RHOH: variants seen among roughly 807,000 people sequenced by gnomAD.
RHOH encodes rho-related GTP-binding protein RhoH.
RHOH carries 6 observed loss-of-function variants against 13.8 expected under a neutral mutation model. That is an observed-to-expected ratio of 0.44 (90% CI 0.24 to 0.86). The LOEUF is 0.86. Among genes scored for constraint, RHOH ranks in the 40% least tolerant of loss-of-function variants. The probability of loss-of-function intolerance (pLI) is 0.24; values close to 1 mark genes in which losing one functional copy is unlikely to be tolerated. For missense variants in RHOH, 147 were observed against 244.5 expected, an observed-to-expected ratio of 0.60 and a Z score of 2.66; for synonymous variants, 117 against 103.0, an observed-to-expected ratio of 1.14 and a Z score of -0.82.
chr4:40,204,700 A>G (rs1052935340), intron 1 of RHOH, among the ~76,000 whole-genome samples: 15 of 152,344 alleles, frequency 9.8e-5, no homozygotes, highest in African/African-American at 3.4e-4. Flanking sequence ...TAAGCCCCTA[A>G]AGACAGAAAT....
Position 40,244,458 on chromosome 4 carries a change from T to G in RHOH, c.*496T>G, listed in dbSNP as rs1186521313. 1 of 217,714 alleles carries G rather than the reference T, an allele frequency of 4.6e-6. No homozygotes were observed. Among genetic ancestry groups the G allele is most frequent in the Non-Finnish European group, 1.0e-5 (1 of 98,958 alleles). 13.5% of individuals were successfully genotyped at this position (217,714 alleles called of 1,614,324 possible). On this transcript the variant is annotated 3_prime_UTR_variant, in exon 3 of 3. Coordinates refer to ENST00000381799, the MANE Select transcript of RHOH (RefSeq NM_004310.5). ...ATTTTCACCTCAAGTAGAAAGTCTGTTGAAACCACTTGGCTGCTGGATTTA... is the reference window on the plus strand; with the variant it reads ...ATTTTCACCTCAAGTAGAAAGTCTGGTGAAACCACTTGGCTGCTGGATTTA...
intron 1 of RHOH, among the ~76,000 whole-genome samples, chr4:40,209,846 T>C (rs556560335): frequency 2.6e-4 from 39 of 152,350 alleles, no homozygotes; most frequent in African/African-American, 8.9e-4. Flanking sequence ...AGGTAAATCA[T>C]AAATATATTC....
At chr4:40,225,157 A>C (rs992321661) in intron 1 of RHOH, among the ~76,000 whole-genome samples, 3 of 152,172 alleles carry the variant, frequency 2.0e-5, no homozygotes, top group Admixed American at 6.5e-5. Flanking sequence ...TTTGTCACCT[A>C]GGCTGGAGTG....
At chr4:40,216,741 C>G (rs543501445) in intron 1 of RHOH, among the ~76,000 whole-genome samples, 1 of 152,282 alleles carries the variant, frequency 6.6e-6, no homozygotes, top group African/African-American at 2.4e-5. Flanking sequence ...ATGATTTCAT[C>G]TATTTAATTG....
chr4:40,243,765 A>G lies in RHOH; in HGVS notation c.379A>G (p.Arg127Gly), dbSNP rs200048106. The G allele has an allele frequency of 8.1e-6, 13 of 1,614,066 alleles. No individual in the cohort carries two copies. The South Asian group carries it at 1.3e-4, about 16-fold the overall frequency. The change falls in exon 3 of 3, where the codon AGG becomes GGG. Residue 127 changes from arginine (R) to glycine (G), a missense_variant. This residue lies in a region of RHOH where 36 missense variants were observed against 30.7 expected (regional missense o/e 1.17). Coordinates refer to ENST00000381799, the MANE Select transcript of RHOH (RefSeq NM_004310.5). The surrounding 1 kb of genome is among the most constrained non-coding windows in gnomAD (Gnocchi z 6.2). ...QTDQREMGPH[R>G]ASCVNAMEGK... ...TGACCAGCGGGAGATGGGGCCCCACAGGGCCTCCTGCGTCAATGCCATGGA... is the reference window on the plus strand; with the variant it reads ...TGACCAGCGGGAGATGGGGCCCCACGGGGCCTCCTGCGTCAATGCCATGGA...
At chr4:40,240,879 A>G (rs1729158152) in intron 1 of RHOH, among the ~76,000 whole-genome samples, 1 of 147,678 alleles carries the variant, frequency 6.8e-6, no homozygotes, top group Non-Finnish European at 1.5e-5. Context: ...ACTTAAGGCC[A>G]GGTGCAGTAG....
At chr4:40,227,263 GAAAT>G (rs1278416468) in intron 1 of RHOH, among the ~76,000 whole-genome samples, 1 of 152,216 alleles carries the variant, frequency 6.6e-6, no homozygotes, top group Non-Finnish European at 1.5e-5. Flanking sequence ...AAAAGGCAAA[GAAAT>G]AAAGGTTGCT....
At chr4:40,216,047 G>A (rs768003294) in intron 1 of RHOH, among the ~76,000 whole-genome samples, 4 of 151,558 alleles carry the variant, frequency 2.6e-5, no homozygotes, top group South Asian at 2.1e-4. Context: ...CTCGTTTTCC[G>A]CTTTTTCATC....
chr4:40,219,981 G>T lies in RHOH; in HGVS notation c.-331+22681G>T, dbSNP rs1726349652. On this transcript the variant is annotated intron_variant, in intron 1 of 2. Coordinates refer to ENST00000381799, the MANE Select transcript of RHOH (RefSeq NM_004310.5). ...GCTTCAGAAAAATGCATGAGAAACT[G>T]CATTGGCTAGGTAAAGCAGGGACAG... Among the ~76,000 whole-genome samples, 2 of 152,218 alleles carry T rather than the reference G, an allele frequency of 1.3e-5. 1 individual carries two copies. The highest frequency in any genetic ancestry group is 4.1e-4 in the South Asian group (2 of 4,836).
intron 1 of RHOH, among the ~76,000 whole-genome samples, chr4:40,236,096 A>G (rs965062257): frequency 1.3e-5 from 2 of 152,216 alleles, no homozygotes; most frequent in Non-Finnish European, 2.9e-5. Flanking sequence ...GATGGGAATT[A>G]CAGTGTGTGT....
At chr4:40,195,396 T>TCCTTCCTC (rs1723029648), upstream of RHOH, among the ~76,000 whole-genome samples, 1 of 144,530 alleles carries the variant, frequency 6.9e-6, no homozygotes, top group Non-Finnish European at 1.5e-5. Context: ...CTTCCTTCCT[T>TCCTTCCTC]CCTTCCTTCC....
At chr4:40,195,411 TTCCTTCCC>T (rs1723040417), upstream of RHOH, among the ~76,000 whole-genome samples, 2 of 122,996 alleles carry the variant, frequency 1.6e-5, no homozygotes, top group East Asian at 4.8e-4. Context: ...CCTTCCTTCC[TTCCTTCCC>T]TCCCCTTCTC....
chr4:40,215,114 C>T (rs563712346), intron 1 of RHOH, among the ~76,000 whole-genome samples: 1 of 152,120 alleles, frequency 6.6e-6, no homozygotes, highest in Non-Finnish European at 1.5e-5. Flanking sequence ...AAAAACTACC[C>T]GGTAAGGCTG....
chr4:40,216,298 G>A (rs539737971), intron 1 of RHOH, among the ~76,000 whole-genome samples: 2 of 151,800 alleles, frequency 1.3e-5, no homozygotes, highest in South Asian at 2.1e-4. Context: ...GTGAAACCCC[G>A]TCTCGATTAA....
chr4:40,243,386 G>C lies in RHOH; in HGVS notation c.-1G>C. Reference sequence around the variant, plus strand: ...TCAGAGTAGGACAGCAGGCTGGGAAGATGCTGAGTTCCATCAAGTGCGTGT... The same window carrying C: ...TCAGAGTAGGACAGCAGGCTGGGAACATGCTGAGTTCCATCAAGTGCGTGT... On this transcript the variant is annotated 5_prime_UTR_variant, in exon 3 of 3. Coordinates refer to ENST00000381799, the MANE Select transcript of RHOH (RefSeq NM_004310.5). The surrounding 1 kb of genome is among the most constrained non-coding windows in gnomAD (Gnocchi z 6.2). 1 of 1,576,406 alleles carries C rather than the reference G, an allele frequency of 6.3e-7. No individual in the cohort carries two copies. Among genetic ancestry groups the C allele is most frequent in the Non-Finnish European group, 8.6e-7 (1 of 1,159,156 alleles).
chr4:40,198,280 C>T lies in RHOH; in HGVS notation c.-331+980C>T, dbSNP rs888207355. On this transcript the variant is annotated intron_variant, in intron 1 of 2. Transcript: ENST00000381799. Reference sequence around the variant, plus strand: ...GGCAGGTGATTTCAGACTGGGAGGACCTTGTGGGCAAAGGCACAAAGGCGA... The same window carrying T: ...GGCAGGTGATTTCAGACTGGGAGGATCTTGTGGGCAAAGGCACAAAGGCGA... Among the ~76,000 whole-genome samples, 12 of 152,226 alleles carry T rather than the reference C, an allele frequency of 7.9e-5. 1 individual carries two copies. Among genetic ancestry groups the T allele is most frequent in the Admixed American group, 3.9e-4 (6 of 15,284 alleles).
chr4:40,243,229 G>C lies in RHOH; in HGVS notation c.-158G>C. 1 of 578,968 alleles carries C rather than the reference G, an allele frequency of 1.7e-6. No homozygotes were observed. The highest frequency in any genetic ancestry group is 3.1e-6 in the Non-Finnish European group (1 of 327,314). 35.9% of individuals were successfully genotyped at this position (578,968 alleles called of 1,614,324 possible). A position where few individuals can be genotyped will look rare whatever the true frequency, so the allele number is the denominator to read the frequency against. ...AAAGCAGACGGTGCTTGGATGGGCA[G>C]GGAGAAGTAACATTCTGCAAATCGC... On this transcript the variant is annotated 5_prime_UTR_variant, in exon 3 of 3. Transcript: ENST00000381799. This position sits in a 1 kb window ranked among gnomAD's most constrained non-coding sequence, Gnocchi z 6.2.
Position 40,237,946 on chromosome 4 carries a change from T to A in RHOH, c.-330-4768T>A, listed in dbSNP as rs138710356. The stretch of plus-strand genomic sequence containing the variant: ...TTATGATGTATTGTTCTAAAAAGAC[T>A]TTCTCGCAAAACCAAGAAGAGAGCA... On this transcript the variant is annotated intron_variant, in intron 1 of 2. Transcript: ENST00000381799. Among the ~76,000 whole-genome samples, 32 of 152,332 alleles carry A rather than the reference T, an allele frequency of 2.1e-4. No individual in the cohort carries two copies. The East Asian group carries it at 3.3e-3, about 16-fold the overall frequency.
intron 1 of RHOH, among the ~76,000 whole-genome samples, chr4:40,210,537 T>C (rs1725147732): frequency 6.6e-6 from 1 of 152,066 alleles, no homozygotes; most frequent in South Asian, 2.1e-4. Context: ...AGCTTCCGTG[T>C]CATTGGTAGA....
Sources: allele counts gnomAD v4.1 joint callset (sites outside exome capture counted in the v4.1 genomes callset), GRCh38; gene constraint gnomAD v4.1.1; regional missense constraint gnomAD v4.1.1; non-coding constraint Gnocchi (gnomAD v3.1); transcripts MANE v1.5; gene names NCBI Gene and HGNC (gene_info 2026-07-23, HGNC 2026-07-21).